The following EMC3 variants were observed in gnomAD, a reference collection of about 807,000 sequenced individuals.
EMC3 encodes the protein 30 kDa protein.
Under a neutral mutation model 36.6 loss-of-function variants are expected in EMC3, and 13 were observed. The observed-to-expected ratio is 0.35, with a 90% CI of 0.23 to 0.56. The LOEUF (loss-of-function observed/expected upper bound fraction) is 0.56, where lower values mean the gene tolerates loss of function less well. EMC3 is among the 20% of genes least tolerant of loss of function. EMC3 has a pLI of 0.84. For synonymous variants in EMC3, 120 were observed against 111.9 expected (o/e 1.07, Z -0.46); for missense variants, 220 against 324.5 (o/e 0.68, Z 2.47).
chr3:9,994,099 T>G, intron 1 of EMC3: 1 of 165,158 alleles, frequency 6.1e-6, no homozygotes, highest in Non-Finnish European at 8.6e-6. Flanking sequence ...AAGAGAAGTC[T>G]GATCTGACAT....
At chr3:9,998,552 C>CTT (rs2086158721) in intron 1 of EMC3, among the ~76,000 whole-genome samples, 1 of 151,750 alleles carries the variant, frequency 6.6e-6, no homozygotes, top group Admixed American at 6.6e-5. Flanking sequence ...TCCTCAGCCT[C>CTT]TTGAGTACCT....
chr3:9,973,472 T>C, intron 5 of EMC3, 156 bp downstream of exon 5: 1 of 636,846 alleles, frequency 1.6e-6, no homozygotes, highest in Non-Finnish European at 2.8e-6. Context: ...GGGATTACAG[T>C]CGTGAGCCAC....
chr3:10,000,938 C>A, intron 1 of EMC3: 1 of 406,786 alleles, frequency 2.5e-6, no homozygotes, highest in Non-Finnish European at 5.0e-6. Flanking sequence ...CTTTTCTCAA[C>A]ATCACTTGTA....
chr3:9,980,368 A>AC (rs2085896923), intron 1 of EMC3, among the ~76,000 whole-genome samples: 1 of 141,088 alleles, frequency 7.1e-6, no homozygotes, highest in South Asian at 2.3e-4. Context: ...CTAATGAAGG[A>AC]TTTTTTTTTT....
At chr3:9,993,068 T>A (rs536565460) in intron 1 of EMC3, 3 of 924,868 alleles carry the variant, frequency 3.2e-6, no homozygotes, top group Non-Finnish European at 5.3e-6. Context: ...ACAGCTCTCA[T>A]GTAAAATTTC....
intron 5 of EMC3, among the ~76,000 whole-genome samples, chr3:9,972,832 C>G (rs1034509695): frequency 1.4e-5 from 2 of 141,994 alleles, no homozygotes; most frequent in African/African-American, 5.2e-5. Flanking sequence ...AAATCCTCAT[C>G]TTTTTTTTTT....
upstream of EMC3, chr3:9,988,412 A>C: frequency 7.5e-7 from 1 of 1,334,404 alleles, no homozygotes; most frequent in Non-Finnish European, 1.1e-6. Context: ...GAACCGTATT[A>C]TTCTCTTTGA....
chr3:9,965,466 A>G (rs1304294308), intron 7 of EMC3, among the ~76,000 whole-genome samples: 1 of 152,172 alleles, frequency 6.6e-6, no homozygotes, highest in Non-Finnish European at 1.5e-5. Flanking sequence ...AGATAGAACA[A>G]GCTTATTTAA....
chr3:10,008,062 C>T (rs2086283115), intron 1 of EMC3, among the ~76,000 whole-genome samples: 1 of 152,174 alleles, frequency 6.6e-6, no homozygotes, highest in African/African-American at 2.4e-5. Flanking sequence ...TACTGGATGT[C>T]CCTCCACCCA....
rs761023207 is a variant in EMC3 at position 9,969,742 on chromosome 3, C to T, written c.634G>A (p.Ala212Thr). 11 of 1,613,912 alleles carry T rather than the reference C, an allele frequency of 6.8e-6. No individual in the cohort carries two copies. Among genetic ancestry groups the T allele is most frequent in the Admixed American group, 3.3e-5 (2 of 59,990 alleles). The change falls in exon 7 of 8, where the codon GCA becomes ACA. Residue 212 changes from alanine to threonine, a missense_variant. By Grantham distance (58) the Ala-to-Thr change is moderately conservative. Coordinates refer to ENST00000245046, the MANE Select transcript of EMC3 (RefSeq NM_001394674.1). ...QMTGAAMAMP[A>T]DTNKAFKTEW... Reference sequence around the variant, plus strand: ...ACCTTGAAAGCTTTGTTTGTGTCTGCGGGCATGGCCATGGCTGCTCCCGTC... The same window carrying T: ...ACCTTGAAAGCTTTGTTTGTGTCTGTGGGCATGGCCATGGCTGCTCCCGTC...
intron 1 of EMC3, chr3:10,008,845 G>C (rs893830348): frequency 1.4e-5 from 3 of 213,120 alleles, no homozygotes; most frequent in African/African-American, 7.0e-5. Flanking sequence ...CACCCAGGAG[G>C]CCCTCAATCA....
intron 1 of EMC3, among the ~76,000 whole-genome samples, chr3:9,980,369 T>C (rs1294185827): frequency 2.4e-5 from 2 of 84,654 alleles, no homozygotes; most frequent in Admixed American, 1.1e-4. Context: ...TAATGAAGGA[T>C]TTTTTTTTTT....
upstream of EMC3, among the ~76,000 whole-genome samples, chr3:9,991,767 C>CCCTA (rs1251915032): frequency 6.6e-6 from 1 of 152,186 alleles, no homozygotes; most frequent in Non-Finnish European, 1.5e-5. Flanking sequence ...GCTCAGCAGT[C>CCCTA]CCTAACCTTT....
At chr3:10,000,727 A>G (rs1384644563) in intron 1 of EMC3, 44 of 476,158 alleles carry the variant, frequency 9.2e-5, no homozygotes, top group Non-Finnish European at 1.7e-4. Flanking sequence ...TTTTTCTTCC[A>G]TACCCTTGGG....
At chr3:9,964,400 GAGACTA>G (rs2085717635) in intron 7 of EMC3, among the ~76,000 whole-genome samples, 1 of 152,140 alleles carries the variant, frequency 6.6e-6, no homozygotes. Flanking sequence ...TATAGATAAG[GAGACTA>G]AGACTAAGAG....
At chr3:9,980,328 T>G (rs1163463226) in intron 1 of EMC3, among the ~76,000 whole-genome samples, 2 of 151,226 alleles carry the variant, frequency 1.3e-5, no homozygotes, top group Non-Finnish European at 2.9e-5. Flanking sequence ...CCCACTGTAT[T>G]TTGATCACTG....
chr3:9,997,221 T>G (rs1274674490), intron 1 of EMC3, among the ~76,000 whole-genome samples: 1 of 152,050 alleles, frequency 6.6e-6, no homozygotes, highest in Non-Finnish European at 1.5e-5. Context: ...CATATTATTT[T>G]CTTTTCCTTC....
chr3:10,005,064 A>C (rs1279144380), intron 1 of EMC3: 1 of 152,228 alleles, frequency 6.6e-6, no homozygotes, highest in African/African-American at 2.4e-5. Context: ...ACTGGGACCC[A>C]GGTTGCCATC....
In EMC3 at chr3:9,973,384, C is replaced by T. The variant is rs532858889; in HGVS notation, c.494+244G>A. 6.2e-4 allele frequency: 232 copies of T among 373,660 alleles called. 3 individuals carry two copies. The highest frequency in any genetic ancestry group is 5.1e-3 in the South Asian group (133 of 26,166). 23.1% of individuals were successfully genotyped at this position (373,660 alleles called of 1,614,324 possible). A position where few individuals can be genotyped will look rare whatever the true frequency, so the allele number is the denominator to read the frequency against. On this transcript the variant is annotated intron_variant, in intron 5 of 7. Transcript: ENST00000245046. ...TAAGTTTTTGTATTTTTAGTACAGACGGGGTTTCACAGTGTTAGCCAGAAT... is the reference window on the plus strand; with the variant it reads ...TAAGTTTTTGTATTTTTAGTACAGATGGGGTTTCACAGTGTTAGCCAGAAT...
Sources: gnomAD v4.1 joint callset for allele counts (sites outside exome capture counted in the v4.1 genomes callset) on GRCh38, gnomAD v4.1.1 for gene constraint, MANE v1.5 for transcripts, NCBI Gene and HGNC (gene_info 2026-07-23, HGNC 2026-07-21) for gene names.